Variants in ANKRD18A observed in about 807,000 individuals in gnomAD.
The protein encoded by ANKRD18A is ankyrin repeat domain 18A, also known as ankyrin repeat domain-containing protein 18A.
ANKRD18A carries 72 observed loss-of-function variants against 110.6 expected under a neutral mutation model. The ratio of observed to expected loss-of-function variants is 0.65; its 90% confidence interval spans 0.54 to 0.79. The LOEUF is 0.79. Ranked by LOEUF, ANKRD18A falls within the 30% of genes least tolerant of loss-of-function variation. The pLI, the probability that ANKRD18A is intolerant of heterozygous loss-of-function variation, is 0.00. For missense variants in ANKRD18A, 934 were observed against 1,163.3 expected, an observed-to-expected ratio of 0.80 and a Z score of 2.87; for synonymous variants, 305 against 410.3, an observed-to-expected ratio of 0.74 and a Z score of 3.10.
chr9:38,592,872 C>A (rs1278033713), intron 10 of ANKRD18A, among the ~76,000 whole-genome samples: 1 of 152,100 alleles, frequency 6.6e-6, no homozygotes, highest in Admixed American at 6.6e-5. Context: ...AATATGCAGA[C>A]CATGCAAATC....
In ANKRD18A at chr9:38,615,636, T is replaced by C; in HGVS notation, c.453A>G (p.Glu151=). ...TATTTGCATGGTGGGAAAGCAGTCT[T>C]TCTGCCAGTGAAGTCCCCTTATTAT... is the stretch of plus-strand genomic sequence containing the variant. The part of the protein sequence containing the change: ...AVYNKGTSLA[E]RLLSHHANIE... Residue 151 remains glutamate, a synonymous_variant, in exon 3 of 16, where the codon GAA becomes GAG. Transcript: ENST00000399703. 6.2e-7 allele frequency: 1 copy of C among 1,610,690 alleles called. No individual in the cohort carries two copies. The highest frequency in any genetic ancestry group is 1.1e-5 in the South Asian group (1 of 90,808).
At chr9:38,593,188 C>G (rs547361745) in intron 10 of ANKRD18A, among the ~76,000 whole-genome samples, 24 of 152,320 alleles carry the variant, frequency 1.6e-4, no homozygotes, top group African/African-American at 5.5e-4. Context: ...TCTATTAGAT[C>G]TGAGTATTTC....
At chr9:38,573,234 AGACAT>A (rs1264052664) in intron 15 of ANKRD18A, 1 of 531,386 alleles carries the variant, frequency 1.9e-6, no homozygotes, top group Non-Finnish European at 2.9e-6. Flanking sequence ...TTTAGTGACT[AGACAT>A]AACACAAAGT....
chr9:38,569,491 C>T (rs542452496), downstream of ANKRD18A: 73 of 975,220 alleles, frequency 7.5e-5, 2 homozygotes, highest in South Asian at 3.2e-3. Context: ...TGCTGCGTGT[C>T]TCTAACTGCT....
At chr9:38,619,257 C>T (rs1254944229) in intron 1 of ANKRD18A, among the ~76,000 whole-genome samples, 1 of 152,080 alleles carries the variant, frequency 6.6e-6, no homozygotes, top group East Asian at 1.9e-4. Context: ...ATCAGGAACC[C>T]ATTTTTGCGA....
intron 7 of ANKRD18A, among the ~76,000 whole-genome samples, chr9:38,602,611 T>G (rs1563970621): frequency 1.3e-5 from 2 of 152,202 alleles, no homozygotes; most frequent in Non-Finnish European, 2.9e-5. Flanking sequence ...GCAAAACAAA[T>G]TAGAAAAGCA....
In ANKRD18A at chr9:38,612,676, C is replaced by T. The variant is rs565425263; in HGVS notation, c.496-1355G>A. On this transcript the variant is annotated intron_variant, in intron 3 of 15. Coordinates refer to ENST00000399703, the MANE Select transcript of ANKRD18A (RefSeq NM_147195.4). ...GGAACTACAGGCACCTGCCACCACA[C>T]CTGGCTAACTTTTTGTATTTTTAGT... Among the ~76,000 whole-genome samples, 22 of 152,144 alleles carry T rather than the reference C, an allele frequency of 1.4e-4. No homozygotes were observed. The East Asian group carries it at 4.3e-3, about 29-fold the overall frequency.
At chr9:38,589,482 C>T (rs1457041785) in intron 10 of ANKRD18A, among the ~76,000 whole-genome samples, 2 of 152,206 alleles carry the variant, frequency 1.3e-5, no homozygotes, top group Non-Finnish European at 2.9e-5. Flanking sequence ...CCTCTGTATC[C>T]GTGCTTTCAC....
At chr9:38,617,844 A>G (rs992360830) in intron 1 of ANKRD18A, among the ~76,000 whole-genome samples, 4 of 152,218 alleles carry the variant, frequency 2.6e-5, no homozygotes, top group African/African-American at 9.6e-5. Flanking sequence ...AAATGGATTG[A>G]TAGAATACAG....
chr9:38,596,176 C>A lies in ANKRD18A; in HGVS notation c.1164G>T (p.Ser388=). ...KMITKTVARY[S]QQLNDLKAEN... ...CAGCTTTCAGATCATTAAGCTGTTG[C>A]GAATACCGGGCCACTGTTTTTGTTA... Residue 388 remains serine (S), a synonymous_variant, in exon 9 of 16, where the codon TCG becomes TCT. Transcript: ENST00000399703. The A allele has an allele frequency of 6.5e-7, 1 of 1,543,906 alleles. No homozygotes were observed. The highest frequency in any genetic ancestry group is 8.7e-7 in the Non-Finnish European group (1 of 1,144,038).
chr9:38,572,487 C>T (rs1823692767), intron 15 of ANKRD18A: 1 of 154,650 alleles, frequency 6.5e-6, no homozygotes, highest in Non-Finnish European at 1.4e-5. Context: ...ATATCATGGG[C>T]TTTCTGGTGG....
At chr9:38,618,348 G>A (rs1825942271) in intron 1 of ANKRD18A, among the ~76,000 whole-genome samples, 1 of 152,144 alleles carries the variant, frequency 6.6e-6, no homozygotes, top group South Asian at 2.1e-4. Context: ...GTATGTTTGT[G>A]TGTATGTGCA....
chr9:38,613,255 C>T (rs1467359518), intron 3 of ANKRD18A, among the ~76,000 whole-genome samples: 1 of 151,114 alleles, frequency 6.6e-6, no homozygotes, highest in Non-Finnish European at 1.5e-5. Flanking sequence ...TCTGGGGACA[C>T]CAGATTTGTT....
intron 6 of ANKRD18A, among the ~76,000 whole-genome samples, chr9:38,606,842 TTTC>T (rs1377939419): frequency 6.6e-6 from 1 of 152,154 alleles, no homozygotes; most frequent in Non-Finnish European, 1.5e-5. Flanking sequence ...CTTAATCTAA[TTTC>T]TTATTTATAT....
At position 38,571,662 on chromosome 9, in the gene ANKRD18A, G is replaced by A. The variant is rs572859814; in HGVS notation, c.*383C>T. On this transcript the variant is annotated 3_prime_UTR_variant, in exon 16 of 16. Coordinates refer to ENST00000399703, the MANE Select transcript of ANKRD18A (RefSeq NM_147195.4). Reference sequence around the variant, plus strand: ...AACTGTAAAATGCAAAGAAGCCCTCGATGACCTTTACTAAAGTATCAATGA... The same window carrying A: ...AACTGTAAAATGCAAAGAAGCCCTCAATGACCTTTACTAAAGTATCAATGA... The A allele has an allele frequency of 5.9e-6, 6 of 1,017,832 alleles. No individual in the cohort carries two copies. The highest frequency in any genetic ancestry group is 5.7e-5 in the Admixed American group (1 of 17,462). The allele number at this position is 1,017,832 out of a possible 1,614,324, so 63.1% of individuals were successfully genotyped here.
At chr9:38,615,820 A>T in intron 2 of ANKRD18A, 53 bp from the exon 3 acceptor site, 1 of 1,564,984 alleles carries the variant, frequency 6.4e-7, no homozygotes, top group Non-Finnish European at 8.7e-7. Flanking sequence ...TTCAAAATAC[A>T]TATTCCACAG....
intron 12 of ANKRD18A, among the ~76,000 whole-genome samples, chr9:38,585,708 T>G (rs1824349589): frequency 6.6e-6 from 1 of 152,204 alleles, no homozygotes; most frequent in South Asian, 2.1e-4. Flanking sequence ...ACACATGTAT[T>G]TGTATGTTCA....
chr9:38,587,702 A>C (rs1824445635), intron 11 of ANKRD18A, among the ~76,000 whole-genome samples: 3 of 152,252 alleles, frequency 2.0e-5, no homozygotes. Flanking sequence ...AAAGATGACC[A>C]AATACAGCAA....
chr9:38,581,105 A>G (rs1824141877), intron 12 of ANKRD18A, among the ~76,000 whole-genome samples: 1 of 152,238 alleles, frequency 6.6e-6, no homozygotes, highest in Non-Finnish European at 1.5e-5. Context: ...GTTCATGAAC[A>G]AAATAAATGT....
Sources: allele counts gnomAD v4.1 joint callset (sites outside exome capture counted in the v4.1 genomes callset), GRCh38; gene constraint gnomAD v4.1.1; transcripts MANE v1.5; gene names NCBI Gene and HGNC (gene_info 2026-07-23, HGNC 2026-07-21).